ARMC2: variants seen among roughly 807,000 people sequenced by gnomAD.
ARMC2 encodes armadillo repeat-containing protein 2.
Under a neutral mutation model 90.3 loss-of-function variants are expected in ARMC2, and 67 were observed. The observed-to-expected ratio is 0.74, with a 90% CI of 0.61 to 0.91. The LOEUF is 0.91. Ranked by LOEUF, ARMC2 falls within the 40% of genes least tolerant of loss-of-function variation. The pLI, the probability that ARMC2 is intolerant of heterozygous loss-of-function variation, is 0.00. For synonymous variants in ARMC2, 393 were observed against 393.0 expected (o/e 1.00, Z 0.00); for missense variants, 920 against 1,030.9 (o/e 0.89, Z 1.47).
At chr6:108,877,667 C>T (rs139884705) in intron 5 of ARMC2, among the ~76,000 whole-genome samples, 2 of 152,338 alleles carry the variant, frequency 1.3e-5, no homozygotes, top group East Asian at 3.9e-4. Context: ...AAACATTTAT[C>T]TTGCTGCATC....
chr6:108,861,278 TTGTATG>T (rs1174617619), intron 3 of ARMC2, among the ~76,000 whole-genome samples: 1 of 152,172 alleles, frequency 6.6e-6, no homozygotes, highest in African/African-American at 2.4e-5. Flanking sequence ...GTATGTGTGT[TTGTATG>T]TGTGTGTGCG....
At chr6:108,914,911 C>T (rs1288321393) in intron 10 of ARMC2, among the ~76,000 whole-genome samples, 2 of 151,838 alleles carry the variant, frequency 1.3e-5, no homozygotes, top group African/African-American at 4.8e-5. Context: ...TGTCTGTTTA[C>T]ACCAGCTTTG....
chr6:108,987,408 G>C, the ARMC2 span: 1 of 544,714 alleles, frequency 1.8e-6, no homozygotes, highest in South Asian at 2.8e-5. Context: ...CAGAAAAATA[G>C]CAGAAACTAA....
chr6:108,888,370 A>G (rs1037434426), intron 5 of ARMC2, among the ~76,000 whole-genome samples: 7 of 152,208 alleles, frequency 4.6e-5, no homozygotes, highest in African/African-American at 1.7e-4. Flanking sequence ...ACACCTTTCT[A>G]CAGATGAGGA....
chr6:108,965,853 A>C (rs1017047587), intron 17 of ARMC2, among the ~76,000 whole-genome samples: 5 of 150,370 alleles, frequency 3.3e-5, no homozygotes, highest in African/African-American at 1.2e-4. Context: ...AGGTCTTGCT[A>C]TGTTACCCAG....
the ARMC2 span, among the ~76,000 whole-genome samples, chr6:108,982,075 G>GT: frequency 6.6e-6 from 1 of 152,140 alleles, no homozygotes; most frequent in Non-Finnish European, 1.5e-5. Context: ...CATATCATGG[G>GT]TATTGTGAAT....
intron 13 of ARMC2, among the ~76,000 whole-genome samples, chr6:108,957,337 C>T (rs1461053686): frequency 6.6e-6 from 1 of 152,230 alleles, no homozygotes; most frequent in Non-Finnish European, 1.5e-5. Flanking sequence ...ACACTGGTCT[C>T]TGTGGATTTC....
At chr6:109,037,529 A>G in the ARMC2 span, among the ~76,000 whole-genome samples, 1 of 152,228 alleles carries the variant, frequency 6.6e-6, no homozygotes, top group African/African-American at 2.4e-5. Flanking sequence ...ATGTGATGTA[A>G]TAATTACAGA....
Position 108,899,762 on chromosome 6 carries a change from A to G in ARMC2, c.817A>G (p.Ile273Val), listed in dbSNP as rs1463810890. Residue 273 changes from isoleucine (I) to valine (V), a missense_variant, in exon 7 of 18, where the codon ATT (isoleucine) becomes GTT (valine). Coordinates refer to ENST00000392644, the MANE Select transcript of ARMC2 (RefSeq NM_032131.6). Reference protein sequence around the residue: ...EVDEVFWNTRIVPILRELEKE... With the variant: ...EVDEVFWNTRVVPILRELEKE... ...AGACGAAGTCTTTTGGAATACAAGG[A>G]TTGTACCGATTTTGCGTGAATTAGA... 1 of 1,613,540 alleles carries G rather than the reference A, an allele frequency of 6.2e-7. No homozygotes were observed. The highest frequency in any genetic ancestry group is 8.5e-7 in the Non-Finnish European group (1 of 1,179,680).
At chr6:108,859,283 C>T (rs1181540885) in intron 3 of ARMC2, among the ~76,000 whole-genome samples, 3 of 152,136 alleles carry the variant, frequency 2.0e-5, no homozygotes, top group African/African-American at 7.2e-5. Flanking sequence ...ACCTGGTGCA[C>T]AGCTCTCCTG....
intron 10 of ARMC2, among the ~76,000 whole-genome samples, chr6:108,919,378 C>G (rs1774313694): frequency 6.6e-6 from 1 of 152,176 alleles, no homozygotes; most frequent in Non-Finnish European, 1.5e-5. Context: ...AAGCCTAACT[C>G]TTCAGACTGT....
the ARMC2 span, among the ~76,000 whole-genome samples, chr6:109,015,919 T>G: frequency 6.6e-6 from 1 of 152,236 alleles, no homozygotes; most frequent in Non-Finnish European, 1.5e-5. Flanking sequence ...CTCATAGTGC[T>G]TCTATTTGTG....
At chr6:108,936,177 A>G (rs1775942698) in intron 11 of ARMC2, among the ~76,000 whole-genome samples, 1 of 152,182 alleles carries the variant, frequency 6.6e-6, no homozygotes, top group Non-Finnish European at 1.5e-5. Flanking sequence ...TTTGCCTAAT[A>G]TTAGTATAGC....
At chr6:108,975,459 T>TA (rs1778965935), downstream of ARMC2, among the ~76,000 whole-genome samples, 1 of 152,238 alleles carries the variant, frequency 6.6e-6, no homozygotes, top group South Asian at 2.1e-4. Flanking sequence ...AGTGCTGCAA[T>TA]AAACATACAT....
intron 5 of ARMC2, chr6:108,879,879 A>G (rs1167579671): frequency 2.2e-6 from 1 of 463,416 alleles, no homozygotes; most frequent in Non-Finnish European, 4.4e-6. Context: ...CAGTTTTCTA[A>G]TGTATAAAAT....
In ARMC2 at chr6:108,943,489, A is replaced by G. The variant is rs1347750703; in HGVS notation, c.1596+6490A>G. On this transcript the variant is annotated intron_variant, in intron 12 of 17. Transcript: ENST00000392644. Reference sequence around the variant, plus strand: ...TGATTTAAATCAGAGTGGCTCCCCAACTTGGCTTATCATCAGATTTGCCTG... The same window carrying G: ...TGATTTAAATCAGAGTGGCTCCCCAGCTTGGCTTATCATCAGATTTGCCTG... 4.6e-5 allele frequency among the ~76,000 whole-genome samples: 7 copies of G among 152,318 alleles called. No individual in the cohort carries two copies. The East Asian group carries it at 9.6e-4, about 21-fold the overall frequency.
intron 12 of ARMC2, among the ~76,000 whole-genome samples, chr6:108,937,726 A>G (rs889703446): frequency 1.3e-5 from 2 of 151,938 alleles, no homozygotes; most frequent in African/African-American, 4.8e-5. Flanking sequence ...GACGAGTCTC[A>G]CTCTGTCACC....
At chr6:108,998,424 G>A in the ARMC2 span, 55 of 1,492,520 alleles carry the variant, frequency 3.7e-5, no homozygotes, top group African/African-American at 9.6e-5. Context: ...TTAACAGGGT[G>A]GGTTTTTCTA....
chr6:108,984,165 C>A, the ARMC2 span, among the ~76,000 whole-genome samples: 1 of 152,176 alleles, frequency 6.6e-6, no homozygotes, highest in Admixed American at 6.6e-5. Context: ...ACTGCACCGT[C>A]CACCCTGGGT....
Sources: allele counts gnomAD v4.1 joint callset (sites outside exome capture counted in the v4.1 genomes callset), GRCh38; gene constraint gnomAD v4.1.1; transcripts MANE v1.5; gene names NCBI Gene and HGNC (gene_info 2026-07-23, HGNC 2026-07-21).